The following SLC24A2 variants were observed in gnomAD, a reference collection of about 807,000 sequenced individuals.
SLC24A2 encodes the protein sodium/potassium/calcium exchanger 2.
SLC24A2 carries 36 observed loss-of-function variants against 62.0 expected under a neutral mutation model. The observed-to-expected ratio is 0.58, with a 90% confidence interval of 0.44 to 0.77. The LOEUF (loss-of-function observed/expected upper bound fraction) is 0.77. SLC24A2 is among the 30% of genes least tolerant of loss of function. The probability of loss-of-function intolerance (pLI) is 0.00; values close to 1 mark genes in which losing one functional copy is unlikely to be tolerated. For missense variants in SLC24A2, 846 were observed against 817.9 expected (o/e 1.03, Z -0.42); for synonymous variants, 358 against 294.0 (o/e 1.22, Z -2.23).
At chr9:20,048,296 T>A in the SLC24A2 span, among the ~76,000 whole-genome samples, 23 of 152,344 alleles carry the variant, frequency 1.5e-4, 1 homozygote, top group East Asian at 2.3e-3. Flanking sequence ...AGTTTATCTC[T>A]TTTCAATATA....
chr9:19,717,439 T>G (rs1190630851), intron 2 of SLC24A2, among the ~76,000 whole-genome samples: 1 of 152,214 alleles, frequency 6.6e-6, no homozygotes, highest in Non-Finnish European at 1.5e-5. Flanking sequence ...AATTACCATA[T>G]GCACTATAGA....
chr9:20,228,672 C>T, the SLC24A2 span, among the ~76,000 whole-genome samples: 2 of 152,052 alleles, frequency 1.3e-5, no homozygotes, highest in African/African-American at 2.4e-5. Context: ...AGGTCAAGTC[C>T]TAGAAGAAAA....
At chr9:19,612,969 C>T (rs905335408) in intron 4 of SLC24A2, among the ~76,000 whole-genome samples, 3 of 152,180 alleles carry the variant, frequency 2.0e-5, no homozygotes, top group South Asian at 2.1e-4. Context: ...AGATCAATGT[C>T]GGTAGAGATA....
the SLC24A2 span, among the ~76,000 whole-genome samples, chr9:20,138,832 A>G: frequency 1.3e-5 from 2 of 152,240 alleles, no homozygotes; most frequent in Non-Finnish European, 2.9e-5. Context: ...TCCCCAGTAG[A>G]TGAGGCTCAA....
intron 2 of SLC24A2, among the ~76,000 whole-genome samples, chr9:19,756,725 C>T (rs184545234): frequency 6.6e-6 from 1 of 152,028 alleles, no homozygotes; most frequent in Non-Finnish European, 1.5e-5. Context: ...CCATTTCAGA[C>T]CAGGCTCTTT....
At chr9:20,033,168 A>G in the SLC24A2 span, among the ~76,000 whole-genome samples, 1 of 152,182 alleles carries the variant, frequency 6.6e-6, no homozygotes, top group African/African-American at 2.4e-5. Context: ...GTGGCTTTCT[A>G]GGTTAAAAAT....
chr9:19,549,767 G>C (rs911617270), intron 8 of SLC24A2, among the ~76,000 whole-genome samples: 3 of 152,168 alleles, frequency 2.0e-5, no homozygotes, highest in African/African-American at 7.2e-5. Context: ...ATGGAGCAGA[G>C]ACAAGCCATC....
chr9:20,211,415 G>A, the SLC24A2 span, among the ~76,000 whole-genome samples: 3 of 152,242 alleles, frequency 2.0e-5, no homozygotes, highest in East Asian at 5.8e-4. Flanking sequence ...GGGCGGCTGA[G>A]GCAGGAGAAT....
At chr9:19,883,047 A>G in the SLC24A2 span, among the ~76,000 whole-genome samples, 1 of 152,186 alleles carries the variant, frequency 6.6e-6, no homozygotes, top group Admixed American at 6.5e-5. Context: ...TTAGATCTCT[A>G]TTTATTACAA....
chr9:20,031,267 G>A, the SLC24A2 span, among the ~76,000 whole-genome samples: 1 of 149,238 alleles, frequency 6.7e-6, no homozygotes, highest in Admixed American at 6.7e-5. Flanking sequence ...TAAAATGTGT[G>A]TGTGCGCATA....
At chr9:20,267,188 A>G in the SLC24A2 span, among the ~76,000 whole-genome samples, 1 of 152,248 alleles carries the variant, frequency 6.6e-6, no homozygotes, top group Non-Finnish European at 1.5e-5. Flanking sequence ...GCCAACCTAT[A>G]ATATTTTAAG....
intron 4 of SLC24A2, among the ~76,000 whole-genome samples, chr9:19,602,221 G>A (rs532172184): frequency 4.6e-5 from 7 of 152,258 alleles, no homozygotes; most frequent in African/African-American, 1.7e-4. Context: ...TCAATATGTT[G>A]TTGTAAGGAG....
rs908105719 is a variant in SLC24A2, at chr9:19,514,207, G to A, written c.*1946C>T. The A allele has an allele frequency of 8.5e-5, 13 of 152,278 alleles. No homozygotes were observed. The highest frequency in any genetic ancestry group is 2.9e-4 in the African/African-American group (12 of 41,460). 9.4% of individuals were successfully genotyped at this position (152,278 alleles called of 1,614,324 possible). On this transcript the variant is annotated 3_prime_UTR_variant, in exon 11 of 11. Coordinates refer to ENST00000341998, the MANE Select transcript of SLC24A2 (RefSeq NM_020344.4). ...TGAGGTTTTCTGGAAGGAATACTGA[G>A]CTTGATCTGGGGCTGTCAGGTTACC...
At chr9:20,105,094 A>G in the SLC24A2 span, among the ~76,000 whole-genome samples, 1 of 152,218 alleles carries the variant, frequency 6.6e-6, no homozygotes, top group Non-Finnish European at 1.5e-5. Context: ...ATCAAAAGAG[A>G]CAAAGAAGGC....
At chr9:20,099,814 G>C in the SLC24A2 span, among the ~76,000 whole-genome samples, 1 of 151,930 alleles carries the variant, frequency 6.6e-6, no homozygotes, top group African/African-American at 2.4e-5. Context: ...TAAGGCCTTG[G>C]TAATGGTAGA....
chr9:20,097,541 G>A, the SLC24A2 span, among the ~76,000 whole-genome samples: 1 of 151,844 alleles, frequency 6.6e-6, no homozygotes, highest in Non-Finnish European at 1.5e-5. Context: ...CAGTCTCTAA[G>A]TTCTTATAAC....
chr9:20,225,564 A>ATATATATAATATATAATATATATAT, the SLC24A2 span, among the ~76,000 whole-genome samples: 52 of 115,978 alleles, frequency 4.5e-4, 7 homozygotes, highest in African/African-American at 2.0e-3. Context: ...TATATATTAT[A>ATATATATAATATATAATATATATAT]TATATATATA....
At chr9:19,903,208 T>C in the SLC24A2 span, among the ~76,000 whole-genome samples, 1 of 152,162 alleles carries the variant, frequency 6.6e-6, no homozygotes, top group Non-Finnish European at 1.5e-5. Context: ...CTCCCAGTTG[T>C]AAAGGCTGGA....
At chr9:20,056,366 A>G in the SLC24A2 span, among the ~76,000 whole-genome samples, 1 of 152,220 alleles carries the variant, frequency 6.6e-6, no homozygotes, top group African/African-American at 2.4e-5. Context: ...AGGAAATCAA[A>G]GTCACATTGT....
Sources: gnomAD v4.1 joint callset for allele counts (sites outside exome capture counted in the v4.1 genomes callset) on GRCh38, gnomAD v4.1.1 for gene constraint, MANE v1.5 for transcripts, NCBI Gene and HGNC (gene_info 2026-07-23, HGNC 2026-07-21) for gene names.